Variants in SLC25A30 observed in about 807,000 individuals in gnomAD.
The protein encoded by SLC25A30 is solute carrier family 25 member 30.
SLC25A30 carries 29 observed loss-of-function variants against 42.7 expected under a neutral mutation model. The ratio of observed to expected loss-of-function variants is 0.68; its 90% CI spans 0.51 to 0.93. The LOEUF (loss-of-function observed/expected upper bound fraction) is 0.93, where lower values mean the gene tolerates loss of function less well. SLC25A30 is among the 40% of genes least tolerant of loss of function. The pLI is 0.00. For missense variants in SLC25A30, 300 were observed against 359.7 expected (o/e 0.83, Z 1.34); for synonymous variants, 124 against 131.0 (o/e 0.95, Z 0.37).
intron 3 of SLC25A30, among the ~76,000 whole-genome samples, 187 bp from the exon 4 acceptor site, chr13:45,406,164 C>A (rs1305749040): frequency 6.6e-6 from 1 of 152,010 alleles, no homozygotes; most frequent in African/African-American, 2.4e-5. Context: ...CTCACTGCAA[C>A]CTCTGCCTCC....
chr13:45,406,139 A>G (rs928110329), intron 3 of SLC25A30, among the ~76,000 whole-genome samples, 162 bp from the exon 4 acceptor site: 2 of 152,024 alleles, frequency 1.3e-5, no homozygotes, highest in African/African-American at 4.8e-5. Context: ...CTGGAGTGCA[A>G]TGGCTTGATC....
At chr13:45,402,767 C>A in intron 5 of SLC25A30, 2 of 985,322 alleles carry the variant, frequency 2.0e-6, no homozygotes, top group Non-Finnish European at 1.2e-6. Context: ...CCTGGCAGCA[C>A]GAAGCACAGG....
the SLC25A30 span, among the ~76,000 whole-genome samples, chr13:45,424,430 TATATATAAATATATAAAA>T: frequency 1.7e-5 from 1 of 59,534 alleles, no homozygotes; most frequent in African/African-American, 8.0e-5. Context: ...TATATGAATA[TATATATAAATATATAAAA>T]ATATATAAAC....
At chr13:45,426,985 T>C in the SLC25A30 span, among the ~76,000 whole-genome samples, 2 of 152,104 alleles carry the variant, frequency 1.3e-5, no homozygotes, top group African/African-American at 4.8e-5. Flanking sequence ...TATATTTAAC[T>C]CTAAACCTTC....
At chr13:45,423,827 TA>T in the SLC25A30 span, among the ~76,000 whole-genome samples, 2 of 74,998 alleles carry the variant, frequency 2.7e-5, no homozygotes, top group African/African-American at 1.2e-4. Context: ...TATAAATATA[TA>T]TTTATATATA....
the SLC25A30 span, among the ~76,000 whole-genome samples, chr13:45,425,137 A>AAT: frequency 8.8e-4 from 72 of 81,494 alleles, 1 homozygote; most frequent in African/African-American, 3.7e-3. Context: ...TAAGTATATA[A>AAT]ATATATATAA....
At chr13:45,432,818 C>G in the SLC25A30 span, among the ~76,000 whole-genome samples, 1 of 150,738 alleles carries the variant, frequency 6.6e-6, no homozygotes, top group African/African-American at 2.4e-5. Flanking sequence ...CGCTTGAGCT[C>G]AGGAGTTCAA....
At chr13:45,414,635 T>TACACATAC (rs1555288078) in intron 1 of SLC25A30, among the ~76,000 whole-genome samples, 1 of 139,908 alleles carries the variant, frequency 7.1e-6, no homozygotes, top group East Asian at 2.1e-4. Context: ...CACACACACA[T>TACACATAC]ACACACACAC....
In SLC25A30 at chr13:45,394,635, C is replaced by G. The variant is rs1881180877; in HGVS notation, c.*1339G>C. The G allele has an allele frequency of 2.0e-6, 2 of 984,116 alleles. No homozygotes were observed. Among genetic ancestry groups the G allele is most frequent in the East Asian group, 1.1e-4 (1 of 8,772 alleles). The allele number at this position is 984,116 out of a possible 1,614,324, so 61.0% of individuals were successfully genotyped here. ...TATTTTGAAAAGACTAAGATGAAGACAAGAAGGAAGAGGGCTCTTTCTCTG... is the reference window on the plus strand; with the variant it reads ...TATTTTGAAAAGACTAAGATGAAGAGAAGAAGGAAGAGGGCTCTTTCTCTG... On this transcript the variant is annotated 3_prime_UTR_variant, in exon 10 of 10. Coordinates refer to ENST00000519676, the MANE Select transcript of SLC25A30 (RefSeq NM_001010875.4).
intron 1 of SLC25A30, among the ~76,000 whole-genome samples, chr13:45,413,115 G>T (rs1025849287): frequency 6.6e-6 from 1 of 152,092 alleles, no homozygotes; most frequent in Non-Finnish European, 1.5e-5. Flanking sequence ...ATTATTCCTT[G>T]TTTATGGATA....
At chr13:45,420,689 T>A (rs1005622462), upstream of SLC25A30, among the ~76,000 whole-genome samples, 1 of 152,030 alleles carries the variant, frequency 6.6e-6, no homozygotes, top group African/African-American at 2.4e-5. Flanking sequence ...TTTGTGGGTT[T>A]TTTTGTGCTT....
chr13:45,432,952 A>G, the SLC25A30 span, among the ~76,000 whole-genome samples: 787 of 149,340 alleles, frequency 5.3e-3, 9 homozygotes, highest in African/African-American at 0.019. Flanking sequence ...TGGGAGGATC[A>G]CCTGAACCCG....
the SLC25A30 span, among the ~76,000 whole-genome samples, chr13:45,429,372 G>A: frequency 6.6e-6 from 1 of 152,078 alleles, no homozygotes; most frequent in East Asian, 1.9e-4. Context: ...CCCGACAGGT[G>A]CAAGCTCTTA....
chr13:45,429,130 G>T, the SLC25A30 span, among the ~76,000 whole-genome samples: 4 of 134,186 alleles, frequency 3.0e-5, no homozygotes, highest in African/African-American at 2.9e-5. Context: ...GTGCAATGGC[G>T]CAGTCTCAGT....
At chr13:45,424,985 AAT>A in the SLC25A30 span, among the ~76,000 whole-genome samples, 28 of 5,744 alleles carry the variant, frequency 4.9e-3, 1 homozygote, top group South Asian at 0.016. Context: ...AGTATATAAA[AAT>A]ATATATAAAT....
chr13:45,415,010 G>A (rs1440163608), intron 1 of SLC25A30, among the ~76,000 whole-genome samples: 3 of 152,090 alleles, frequency 2.0e-5, no homozygotes, highest in African/African-American at 7.2e-5. Flanking sequence ...TTCCAGTGTC[G>A]GGCAGTGGCT....
At chr13:45,419,075 G>A (rs1883789615), upstream of SLC25A30, among the ~76,000 whole-genome samples, 2 of 131,846 alleles carry the variant, frequency 1.5e-5, no homozygotes, top group Non-Finnish European at 3.1e-5. Context: ...AGGTTGCAGT[G>A]AGCCAAGATC....
intron 4 of SLC25A30, among the ~76,000 whole-genome samples, 196 bp downstream of exon 4, chr13:45,405,687 T>G (rs1197226878): frequency 6.6e-6 from 1 of 152,244 alleles, no homozygotes; most frequent in African/African-American, 2.4e-5. Context: ...AGATGGTTCC[T>G]TTTCATTATT....
chr13:45,426,254 T>G, the SLC25A30 span, among the ~76,000 whole-genome samples: 10 of 151,832 alleles, frequency 6.6e-5, no homozygotes, highest in East Asian at 1.7e-3. Flanking sequence ...GCCCAGCTAA[T>G]TTTTGTGTTT....
Sources: gnomAD v4.1 joint callset for allele counts (sites outside exome capture counted in the v4.1 genomes callset) on GRCh38, gnomAD v4.1.1 for gene constraint, MANE v1.5 for transcripts, NCBI Gene and HGNC (gene_info 2026-07-23, HGNC 2026-07-21) for gene names.